Variants in NALF1 observed in about 807,000 individuals in gnomAD.
NALF1 encodes NALCN channel auxiliary factor 1, also known as family with sequence similarity 155 member A.
Under a neutral mutation model 48.4 loss-of-function variants are expected in NALF1, and 3 were observed. The observed-to-expected ratio is 0.06, with a 90% confidence interval of 0.03 to 0.16. NALF1 has a LOEUF of 0.16. Among genes scored for constraint, NALF1 ranks in the 10% least tolerant of loss-of-function variants. The pLI is 1.00. For synonymous variants in NALF1, 262 were observed against 245.7 expected (o/e 1.07, Z -0.62); for missense variants, 526 against 571.5 (o/e 0.92, Z 0.81).
chr13:107,385,754 T>C (rs1883520312), intron 1 of NALF1, among the ~76,000 whole-genome samples: 2 of 152,180 alleles, frequency 1.3e-5, no homozygotes, highest in Admixed American at 1.3e-4. Flanking sequence ...TCTTTAAAAA[T>C]AGTATTAAAA....
intron 1 of NALF1, among the ~76,000 whole-genome samples, chr13:107,663,960 T>C (rs1469328243): frequency 6.6e-6 from 1 of 152,138 alleles, no homozygotes; most frequent in Non-Finnish European, 1.5e-5. Flanking sequence ...CCCACTACCA[T>C]AGCTTCAGAC....
rs1883385847 is a variant in NALF1 at position 107,378,943 on chromosome 13, T to A, written c.916-168188A>T. Among the ~76,000 whole-genome samples the A allele has an allele frequency of 2.6e-5, 4 of 152,310 alleles. 1 individual carries two copies. The highest frequency in any genetic ancestry group is 3.4e-3 in the Middle Eastern group (1 of 294). On this transcript the variant is annotated intron_variant, in intron 1 of 2. Transcript: ENST00000375915. The stretch of plus-strand genomic sequence containing the variant: ...GAAACACAGAACAATCAGGGTTTGA[T>A]ATTTTCAATAAAACATATAATTAAG...
chr13:107,844,853 A>C (rs972869866), intron 1 of NALF1, among the ~76,000 whole-genome samples: 1 of 152,202 alleles, frequency 6.6e-6, no homozygotes, highest in African/African-American at 2.4e-5. Flanking sequence ...GGCGTTTCTG[A>C]GAGTCAAAGC....
rs141476834 is a variant in NALF1 at position 107,514,794 on chromosome 13, C to T, written c.916-304039G>A. 2.2e-4 allele frequency among the ~76,000 whole-genome samples: 33 copies of T among 152,244 alleles called. No homozygotes were observed. In the East Asian group the frequency reaches 6.4e-3, roughly 29 times the overall value. ...TGTATGATTTAAAGCCTATACTCTC[C>T]CCCACTTATCTGCTGGCTGTAGCCT... is the stretch of plus-strand genomic sequence containing the variant. On this transcript the variant is annotated intron_variant, in intron 1 of 2. Transcript: ENST00000375915.
At chr13:107,405,962 G>A (rs9514674) in intron 1 of NALF1, among the ~76,000 whole-genome samples, 1,661 of 152,138 alleles carry the variant, frequency 0.011, 19 homozygotes, top group South Asian at 0.021. Context: ...CATATAAAAT[G>A]TGTACACCTC....
chr13:107,315,948 G>T (rs1882140704), intron 1 of NALF1, among the ~76,000 whole-genome samples: 1 of 151,646 alleles, frequency 6.6e-6, no homozygotes, highest in African/African-American at 2.4e-5. Flanking sequence ...TGCACAACGT[G>T]CAGGTTTGTT....
chr13:107,756,966 C>T (rs147144147), intron 1 of NALF1, among the ~76,000 whole-genome samples: 122 of 152,274 alleles, frequency 8.0e-4, no homozygotes, highest in African/African-American at 2.7e-3. Flanking sequence ...AACATGTGTA[C>T]TGACTCCCAG....
At chr13:107,171,772 A>C (rs1878810132) in intron 2 of NALF1, among the ~76,000 whole-genome samples, 1 of 151,576 alleles carries the variant, frequency 6.6e-6, no homozygotes, top group Non-Finnish European at 1.5e-5. Flanking sequence ...ACTTGACTGA[A>C]CCATTTATCC....
chr13:107,375,091 AT>A (rs1242435139), intron 1 of NALF1, among the ~76,000 whole-genome samples: 4 of 152,234 alleles, frequency 2.6e-5, no homozygotes, highest in African/African-American at 9.6e-5. Flanking sequence ...TATTACATAA[AT>A]TCAGTTGCAT....
intron 1 of NALF1, among the ~76,000 whole-genome samples, chr13:107,533,033 C>T (rs769458750): frequency 6.6e-6 from 1 of 152,062 alleles, no homozygotes; most frequent in Non-Finnish European, 1.5e-5. Flanking sequence ...AGAAACCAGA[C>T]ACTTTGACTG....
chr13:107,522,869 C>T (rs1182680235), intron 1 of NALF1, among the ~76,000 whole-genome samples: 1 of 152,002 alleles, frequency 6.6e-6, no homozygotes, highest in Admixed American at 6.6e-5. Flanking sequence ...CCACCTGCCT[C>T]GGCCTCCCCA....
At chr13:107,708,650 G>T (rs1343220418) in intron 1 of NALF1, among the ~76,000 whole-genome samples, 3 of 152,106 alleles carry the variant, frequency 2.0e-5, no homozygotes, top group Non-Finnish European at 4.4e-5. Flanking sequence ...ATTGTTGAAA[G>T]AATTTCAACC....
intron 1 of NALF1, among the ~76,000 whole-genome samples, chr13:107,609,638 T>C (rs1378853423): frequency 6.6e-6 from 1 of 152,212 alleles, no homozygotes; most frequent in Non-Finnish European, 1.5e-5. Context: ...GACAGACGTG[T>C]TGTTTTTAAC....
chr13:107,220,305 TG>T (rs1398286117), intron 1 of NALF1, among the ~76,000 whole-genome samples: 1 of 152,210 alleles, frequency 6.6e-6, no homozygotes, highest in Non-Finnish European at 1.5e-5. Context: ...AAACCCCTTT[TG>T]TAAATTAAGA....
chr13:107,556,225 C>A (rs1877470179), intron 1 of NALF1, among the ~76,000 whole-genome samples: 3 of 149,242 alleles, frequency 2.0e-5, no homozygotes, highest in Admixed American at 1.3e-4. Context: ...ATAGTCATTC[C>A]TTTTGCTTAT....
chr13:107,489,581 A>T (rs1885383155), intron 1 of NALF1, among the ~76,000 whole-genome samples: 1 of 152,234 alleles, frequency 6.6e-6, no homozygotes, highest in African/African-American at 2.4e-5. Flanking sequence ...CAGAAAATTG[A>T]AACTAGACCA....
chr13:107,662,731 TA>T (rs1880762452), intron 1 of NALF1, among the ~76,000 whole-genome samples: 1 of 152,142 alleles, frequency 6.6e-6, no homozygotes, highest in Non-Finnish European at 1.5e-5. Context: ...AAGAAATTTT[TA>T]AAAGGGAACT....
chr13:107,320,654 T>C (rs1158304046), intron 1 of NALF1, among the ~76,000 whole-genome samples: 1 of 152,138 alleles, frequency 6.6e-6, no homozygotes, highest in Non-Finnish European at 1.5e-5. Flanking sequence ...TGTTGGTTTA[T>C]GGACATTCAC....
At chr13:107,816,636 A>C (rs1383568866) in intron 1 of NALF1, among the ~76,000 whole-genome samples, 1 of 152,184 alleles carries the variant, frequency 6.6e-6, no homozygotes, top group Non-Finnish European at 1.5e-5. Flanking sequence ...CCATATCAAT[A>C]GGTGAATTAT....
Sources: allele counts gnomAD v4.1 joint callset (sites outside exome capture counted in the v4.1 genomes callset), GRCh38; gene constraint gnomAD v4.1.1; transcripts MANE v1.5; gene names NCBI Gene and HGNC (gene_info 2026-07-23, HGNC 2026-07-21).